The following CALD1 variants were observed in gnomAD, a reference collection of about 807,000 sequenced individuals.
The protein encoded by CALD1 is caldesmon.
Under a neutral mutation model 99.9 loss-of-function variants are expected in CALD1, and 33 were observed. The observed-to-expected ratio is 0.33, with a 90% CI of 0.25 to 0.44. CALD1 has a LOEUF of 0.44. CALD1 is among the 20% of genes least tolerant of loss of function. CALD1 has a pLI of 1.00. For synonymous variants in CALD1, 310 were observed against 325.0 expected, an observed-to-expected ratio of 0.95 and a Z score of 0.50; for missense variants, 861 against 962.1, an observed-to-expected ratio of 0.89 and a Z score of 1.39.
chr7:134,964,879 C>A (rs895247478), intron 13 of CALD1, among the ~76,000 whole-genome samples: 11 of 152,152 alleles, frequency 7.2e-5, no homozygotes, highest in African/African-American at 2.7e-4. Flanking sequence ...GGCTATAGTT[C>A]CAGCCCATTC....
intron 1 of CALD1, among the ~76,000 whole-genome samples, chr7:134,764,788 C>T (rs768427683): frequency 3.9e-5 from 6 of 151,918 alleles, no homozygotes; most frequent in East Asian, 3.9e-4. Flanking sequence ...AAATGTGAAG[C>T]GGGAGAAGCA....
intron 3 of CALD1, among the ~76,000 whole-genome samples, chr7:134,927,657 C>G (rs1022106720): frequency 2.0e-5 from 3 of 150,580 alleles, no homozygotes; most frequent in Admixed American, 6.6e-5. Context: ...TAAATACACA[C>G]CTGTGGGCCA....
intron 1 of CALD1, among the ~76,000 whole-genome samples, chr7:134,824,866 A>G (rs926152231): frequency 1.3e-5 from 2 of 152,304 alleles, no homozygotes; most frequent in Middle Eastern, 3.4e-3. Context: ...TTAGAACTAG[A>G]GATATACGTC....
Position 134,933,203 on chromosome 7 carries a change from A to G in CALD1, c.434A>G (p.Glu145Gly). Residue 145 changes from glutamate to glycine, a missense_variant, in exon 5 of 15, where the codon GAA becomes GGA. Coordinates refer to ENST00000361675, the MANE Select transcript of CALD1 (RefSeq NM_033138.4). ...RRMQNDTAEN[E>G]TTEKEEKSES... ...ATGCAAAATGACACAGCAGAAAATG[A>G]AACTACCGAGAAGGAAGAAAAAAGT... is the stretch of plus-strand genomic sequence containing the variant. 1.2e-6 allele frequency: 2 copies of G among 1,612,262 alleles called. No homozygotes were observed. Among genetic ancestry groups the G allele is most frequent in the African/African-American group, 1.3e-5 (1 of 74,604 alleles).
intron 1 of CALD1, among the ~76,000 whole-genome samples, chr7:134,749,042 C>T (rs554362653): frequency 3.9e-5 from 6 of 152,342 alleles, no homozygotes; most frequent in Non-Finnish European, 8.8e-5. Context: ...GACTTCCCGA[C>T]TTCGGGAGCT....
At chr7:134,862,122 A>G (rs1800588916) in intron 2 of CALD1, among the ~76,000 whole-genome samples, 1 of 152,226 alleles carries the variant, frequency 6.6e-6, no homozygotes, top group African/African-American at 2.4e-5. Flanking sequence ...CCGAAGGCAT[A>G]GGTAATTTTT....
At chr7:134,889,141 C>A (rs1007232651) in intron 3 of CALD1, among the ~76,000 whole-genome samples, 1 of 152,208 alleles carries the variant, frequency 6.6e-6, no homozygotes, top group African/African-American at 2.4e-5. Flanking sequence ...TGGCTTTAAA[C>A]GACACAACTT....
chr7:134,878,811 T>TA (rs929401846), intron 3 of CALD1, among the ~76,000 whole-genome samples: 4 of 150,632 alleles, frequency 2.7e-5, no homozygotes, highest in Admixed American at 6.6e-5. Flanking sequence ...ATAATAATAA[T>TA]AAAAAAAATA....
At chr7:134,958,771 A>G (rs112079626) in intron 11 of CALD1, among the ~76,000 whole-genome samples, 7 of 151,720 alleles carry the variant, frequency 4.6e-5, no homozygotes, top group African/African-American at 9.7e-5. Flanking sequence ...AATAATAAAG[A>G]TAAATTTTAG....
At chr7:134,737,231 C>T in the CALD1 span, among the ~76,000 whole-genome samples, 4 of 152,140 alleles carry the variant, frequency 2.6e-5, no homozygotes, top group Non-Finnish European at 4.4e-5. Flanking sequence ...CTGAAGCGAT[C>T]TTCCCACCTC....
At chr7:134,945,533 T>C (rs990058078) in intron 7 of CALD1, among the ~76,000 whole-genome samples, 3 of 152,204 alleles carry the variant, frequency 2.0e-5, no homozygotes, top group Non-Finnish European at 2.9e-5. Context: ...AAAGTTTGAG[T>C]ATATTATTCT....
intron 2 of CALD1, 63 bp from the exon 3 acceptor site, chr7:134,867,630 G>A: frequency 3.5e-6 from 2 of 579,568 alleles, no homozygotes; most frequent in Non-Finnish European, 6.0e-6. Context: ...AGGGCCCATA[G>A]TAACTCAGGA....
intron 14 of CALD1, among the ~76,000 whole-genome samples, chr7:134,968,103 C>G (rs1275633947): frequency 6.6e-6 from 1 of 152,108 alleles, no homozygotes; most frequent in African/African-American, 2.4e-5. Context: ...GCTGAGATCA[C>G]ACCACTGCAC....
chr7:134,735,359 A>T, the CALD1 span, among the ~76,000 whole-genome samples: 2 of 152,146 alleles, frequency 1.3e-5, no homozygotes, highest in Non-Finnish European at 2.9e-5. Flanking sequence ...TTGCATATTA[A>T]CACACACCAT....
chr7:134,817,240 A>T (rs1798597842), intron 1 of CALD1, among the ~76,000 whole-genome samples: 1 of 152,180 alleles, frequency 6.6e-6, no homozygotes, highest in South Asian at 2.1e-4. Context: ...ATATGGACAT[A>T]CACCCTCTTG....
At position 134,817,029 on chromosome 7, in the gene CALD1, C is replaced by T. The variant is rs1358927848; in HGVS notation, c.-129-26855C>T. On this transcript the variant is annotated intron_variant, in intron 1 of 14. Coordinates refer to ENST00000361675, the MANE Select transcript of CALD1 (RefSeq NM_033138.4). ...AATAGTATTGTAGAGCACAGACCAA[C>T]GGAGAGCTGTTCCCATTTGCTAGGA... 7.9e-5 allele frequency among the ~76,000 whole-genome samples: 12 copies of T among 152,160 alleles called. No individual in the cohort carries two copies. The South Asian group carries it at 8.3e-4, about 11-fold the overall frequency.
At chr7:134,881,706 G>A (rs2132430346) in intron 3 of CALD1, among the ~76,000 whole-genome samples, 1 of 152,268 alleles carries the variant, frequency 6.6e-6, no homozygotes, top group East Asian at 1.9e-4. Context: ...CTGACTGGCT[G>A]TCAGGTATTC....
the CALD1 span, among the ~76,000 whole-genome samples, chr7:134,715,970 T>C: frequency 5.9e-5 from 9 of 152,324 alleles, no homozygotes; most frequent in East Asian, 1.2e-3. Context: ...TTATTATTAT[T>C]ATTATACTTT....
At chr7:134,878,494 A>G (rs758167234) in intron 3 of CALD1, among the ~76,000 whole-genome samples, 1 of 152,126 alleles carries the variant, frequency 6.6e-6, no homozygotes, top group Non-Finnish European at 1.5e-5. Flanking sequence ...ACTTGAAACC[A>G]GGAGGCAGAG....
Sources: allele counts gnomAD v4.1 joint callset (sites outside exome capture counted in the v4.1 genomes callset), GRCh38; gene constraint gnomAD v4.1.1; transcripts MANE v1.5; gene names NCBI Gene and HGNC (gene_info 2026-07-23, HGNC 2026-07-21).